ELAVL3: variants seen among roughly 807,000 people sequenced by gnomAD.
ELAVL3 encodes ELAV-like protein 3.
Under a neutral mutation model 34.2 loss-of-function variants are expected in ELAVL3, and 8 were observed. That is an observed-to-expected ratio of 0.23 (90% CI 0.14 to 0.42). ELAVL3 has a LOEUF of 0.42. Ranked by LOEUF, ELAVL3 falls within the 10% of genes least tolerant of loss-of-function variation. The pLI, the probability that ELAVL3 is intolerant of heterozygous loss-of-function variation, is 1.00. For missense variants in ELAVL3, 273 were observed against 518.8 expected, an observed-to-expected ratio of 0.53 and a Z score of 4.60; for synonymous variants, 209 against 222.1, an observed-to-expected ratio of 0.94 and a Z score of 0.53.
chr19:11,471,039 G>A (rs943033033), intron 1 of ELAVL3, among the ~76,000 whole-genome samples: 3 of 152,076 alleles, frequency 2.0e-5, no homozygotes, highest in Non-Finnish European at 2.9e-5. Flanking sequence ...TGGGCTAGAC[G>A]CAGTGGCTCA....
At chr19:11,479,364 T>C (rs563025074) in intron 1 of ELAVL3, among the ~76,000 whole-genome samples, 3 of 151,938 alleles carry the variant, frequency 2.0e-5, no homozygotes, top group East Asian at 3.9e-4. Flanking sequence ...GCGCCAATCA[T>C]GCCCCCACCC....
In ELAVL3 at chr19:11,452,292, A is replaced by C. The variant is rs933522048; in HGVS notation, c.*2234T>G. ...CATAACCATGTCTCGGCAAAACTTA[A>C]AGAAACAAAGAGAACATTGTCGTTC... On this transcript the variant is annotated 3_prime_UTR_variant, in exon 7 of 7. Coordinates refer to ENST00000359227, the MANE Select transcript of ELAVL3 (RefSeq NM_001420.4). 1 of 152,224 alleles carries C rather than the reference A, an allele frequency of 6.6e-6. No homozygotes were observed. Among genetic ancestry groups the C allele is most frequent in the Non-Finnish European group, 1.5e-5 (1 of 68,040 alleles). The allele number at this position is 152,224 out of a possible 1,614,324, so 9.4% of individuals were successfully genotyped here. A position where few individuals can be genotyped will look rare whatever the true frequency, so the allele number is the denominator to read the frequency against.
chr19:11,479,843 G>A (rs1971339093), intron 1 of ELAVL3, among the ~76,000 whole-genome samples: 1 of 151,742 alleles, frequency 6.6e-6, no homozygotes, highest in African/African-American at 2.4e-5. Flanking sequence ...GCGAGGTGGG[G>A]AGCCTGGACC....
chr19:11,455,244 C>T (rs1970744001), intron 6 of ELAVL3, among the ~76,000 whole-genome samples: 1 of 150,730 alleles, frequency 6.6e-6, no homozygotes, highest in Non-Finnish European at 1.5e-5. Flanking sequence ...AAGCAATCCT[C>T]CTGCCTTGGC....
intron 1 of ELAVL3, among the ~76,000 whole-genome samples, chr19:11,472,901 T>A (rs190324643): frequency 1.5e-4 from 23 of 151,708 alleles, no homozygotes; most frequent in Non-Finnish European, 2.9e-4. Context: ...ACCCCGTCTC[T>A]ACTAAAAATA....
chr19:11,463,104 G>T (rs921975923), intron 3 of ELAVL3, among the ~76,000 whole-genome samples: 2 of 152,116 alleles, frequency 1.3e-5, no homozygotes, highest in African/African-American at 4.8e-5. Flanking sequence ...AGATTTGGGG[G>T]TAAGATCCTG....
intron 3 of ELAVL3, among the ~76,000 whole-genome samples, chr19:11,461,685 C>G (rs1970888747): frequency 6.6e-6 from 1 of 151,514 alleles, no homozygotes; most frequent in African/African-American, 2.4e-5. Context: ...ACAGCCTTGA[C>G]CCCCCCGGGC....
Position 11,466,787 on chromosome 19 carries a change from G to T in ELAVL3, c.50C>A (p.Pro17Gln). The change falls in exon 2 of 7, where the codon CCG becomes CAG. Residue 17 changes from proline (P) to glutamine (Q), a missense_variant. Around this residue, in one of 4 missense-constraint regions of ELAVL3, gnomAD observed 40 missense variants for 40.8 expected, o/e 0.98. Coordinates refer to ENST00000359227, the MANE Select transcript of ELAVL3 (RefSeq NM_001420.4). The surrounding 1 kb of genome is among the most constrained non-coding windows in gnomAD (Gnocchi z 5.0). ...GAMESQVGGG[P>Q]AGPALPNGPL... ...CCCGTTGGGCAGGGCCGGGCCGGCC[G>T]GGCCCCCCCCCACCTGAGACTCCAT... 6.2e-7 allele frequency: 1 copy of T among 1,612,736 alleles called. No homozygotes were observed.
Position 11,466,961 on chromosome 19 carries a change from CTAA to C in ELAVL3, c.10-137_10-135del. 1.5e-6 allele frequency: 1 copy of C among 664,004 alleles called. No homozygotes were observed. The highest frequency in any genetic ancestry group is 1.9e-5 in the South Asian group (1 of 52,214). 41.1% of individuals were successfully genotyped at this position (664,004 alleles called of 1,614,324 possible). A position where few individuals can be genotyped will look rare whatever the true frequency, so the allele number is the denominator to read the frequency against. ...CATGGGGAGGGGTCACTTTATTATT[CTAA>C]TGATGGGAATAATGATGGGATTCCA... is the stretch of plus-strand genomic sequence containing the variant. On this transcript the variant is annotated intron_variant, in intron 1 of 6. Transcript: ENST00000359227. This position sits in a 1 kb window ranked among gnomAD's most constrained non-coding sequence, Gnocchi z 5.0.
At position 11,458,616 on chromosome 19, in the gene ELAVL3, G is replaced by A. The variant is rs1970819819; in HGVS notation, c.334-5C>T. 1 of 1,613,472 alleles carries A rather than the reference G, an allele frequency of 6.2e-7. No individual in the cohort carries two copies. The highest frequency in any genetic ancestry group is 8.5e-7 in the Non-Finnish European group (1 of 1,179,970). On this transcript the variant is annotated splice_polypyrimidine_tract_variant and splice_region_variant and intron_variant, in intron 3 of 6. Transcript: ENST00000359227. The surrounding 1 kb of genome is among the most constrained non-coding windows in gnomAD (Gnocchi z 7.3). ...ACTGGGTCTGGCATAGGACACCTGG[G>A]TGAGGGGGTCAGATGGACAGGGGTG...
At chr19:11,459,035 C>A (rs564842161) in intron 3 of ELAVL3, among the ~76,000 whole-genome samples, 3 of 152,118 alleles carry the variant, frequency 2.0e-5, no homozygotes, top group Admixed American at 2.0e-4. Context: ...ACAGCCTCGA[C>A]CTCTTGGGCT....
intron 1 of ELAVL3, among the ~76,000 whole-genome samples, chr19:11,476,848 G>A (rs1463987880): frequency 1.3e-5 from 2 of 151,842 alleles, no homozygotes; most frequent in South Asian, 2.1e-4. Context: ...GCAGTGAGCC[G>A]AGATTTCACC....
At position 11,466,199 on chromosome 19, in the gene ELAVL3, G is replaced by A. The variant is rs1178061494; in HGVS notation, c.306C>T (p.Gly102=). 1 of 1,613,832 alleles carries A rather than the reference G, an allele frequency of 6.2e-7. No homozygotes were observed. The highest frequency in any genetic ancestry group is 1.3e-5 in the African/African-American group (1 of 74,956). Residue 102 remains glycine, a synonymous_variant, in exon 3 of 7, where the codon GGC becomes GGT. Coordinates refer to ENST00000359227, the MANE Select transcript of ELAVL3 (RefSeq NM_001420.4). This position sits in a 1 kb window ranked among gnomAD's most constrained non-coding sequence, Gnocchi z 5.0. ...TGATGGTCTTCGTCTGTAATTTGAGGCCGTTGAGGGTGTTGATGGCTTTGT... is the reference window on the plus strand; with the variant it reads ...TGATGGTCTTCGTCTGTAATTTGAGACCGTTGAGGGTGTTGATGGCTTTGT... The part of the protein sequence containing the change: ...DADKAINTLN[G]LKLQTKTIKV...
chr19:11,480,751 G>T lies in ELAVL3; in HGVS notation c.-143C>A. 1.3e-6 allele frequency: 1 copy of T among 790,692 alleles called. No homozygotes were observed. The highest frequency in any genetic ancestry group is 1.8e-6 in the Non-Finnish European group (1 of 561,920). The allele number at this position is 790,692 out of a possible 1,614,324, so 49.0% of individuals were successfully genotyped here. On this transcript the variant is annotated 5_prime_UTR_variant, in exon 1 of 7. Transcript: ENST00000359227. The surrounding 1 kb of genome is among the most constrained non-coding windows in gnomAD (Gnocchi z 6.8). Reference sequence around the variant, plus strand: ...CTGCAGATGTGGCGATGAAGGCGGCGGCTCCCTCGAGGGCCAGGGACGGGC... The same window carrying T: ...CTGCAGATGTGGCGATGAAGGCGGCTGCTCCCTCGAGGGCCAGGGACGGGC...
At chr19:11,471,621 A>AAC (rs1459175859) in intron 1 of ELAVL3, among the ~76,000 whole-genome samples, 3 of 151,876 alleles carry the variant, frequency 2.0e-5, no homozygotes, top group African/African-American at 7.3e-5. Flanking sequence ...TCAAAAAAAA[A>AAC]AAATTTTTTT....
intron 3 of ELAVL3, among the ~76,000 whole-genome samples, chr19:11,460,010 C>A (rs1007442259): frequency 6.6e-6 from 1 of 152,062 alleles, no homozygotes; most frequent in Non-Finnish European, 1.5e-5. Flanking sequence ...CAGTCTGCAC[C>A]CCTGGTGGCA....
In ELAVL3 at chr19:11,458,383, G is replaced by T. The variant is rs891572718; in HGVS notation, c.487+75C>A. 7 of 1,606,594 alleles carry T rather than the reference G, an allele frequency of 4.4e-6. No homozygotes were observed. The highest frequency in any genetic ancestry group is 6.0e-6 in the Non-Finnish European group (7 of 1,175,690). Reference sequence around the variant, plus strand: ...GCTTCATGCCCTGGCATCTTGGTCGGTTTCCCCACGTTGGTCCCACCTGAC... The same window carrying T: ...GCTTCATGCCCTGGCATCTTGGTCGTTTTCCCCACGTTGGTCCCACCTGAC... On this transcript the variant is annotated intron_variant, in intron 4 of 6. Coordinates refer to ENST00000359227, the MANE Select transcript of ELAVL3 (RefSeq NM_001420.4). This position sits in a 1 kb window ranked among gnomAD's most constrained non-coding sequence, Gnocchi z 7.3.
chr19:11,472,894 C>T (rs1330327416), intron 1 of ELAVL3, among the ~76,000 whole-genome samples: 4 of 151,738 alleles, frequency 2.6e-5, no homozygotes, highest in African/African-American at 4.8e-5. Flanking sequence ...TGGTGAAACC[C>T]CGTCTCTACT....
chr19:11,476,918 TAAAAAATA>T (rs1971273652), intron 1 of ELAVL3, among the ~76,000 whole-genome samples: 1 of 149,828 alleles, frequency 6.7e-6, no homozygotes, highest in Non-Finnish European at 1.5e-5. Context: ...AAAAATAAAA[TAAAAAATA>T]AAAAAAAAAG....
Sources: gnomAD v4.1 joint callset for allele counts (sites outside exome capture counted in the v4.1 genomes callset) on GRCh38, gnomAD v4.1.1 for gene constraint, gnomAD v4.1.1 regional missense constraint, Gnocchi (gnomAD v3.1) non-coding constraint, MANE v1.5 for transcripts, NCBI Gene and HGNC (gene_info 2026-07-23, HGNC 2026-07-21) for gene names.